Variants in IL2RA observed in about 807,000 individuals in gnomAD.
IL2RA encodes interleukin 2 receptor subunit alpha, also known as interleukin-2 receptor subunit alpha.
A neutral mutation model predicts 37.8 loss-of-function variants in IL2RA; 24 were observed. The observed-to-expected ratio is 0.63, with a 90% CI of 0.46 to 0.89. The LOEUF (loss-of-function observed/expected upper bound fraction) is 0.89. Among genes scored for constraint, IL2RA ranks in the 40% least tolerant of loss-of-function variants. The probability of loss-of-function intolerance (pLI) is 0.00; values close to 1 mark genes in which losing one functional copy is unlikely to be tolerated. For synonymous variants in IL2RA, 125 were observed against 114.6 expected (o/e 1.09, Z -0.58); for missense variants, 319 against 348.6 (o/e 0.92, Z 0.68).
intron 1 of IL2RA, among the ~76,000 whole-genome samples, chr10:6,052,673 T>G (rs994582473): frequency 6.6e-6 from 1 of 152,056 alleles, no homozygotes; most frequent in African/African-American, 2.4e-5. Flanking sequence ...CACACACCTA[T>G]CCTAGCCTTT....
At chr10:6,013,496 C>T (rs12722708) in intron 7 of IL2RA, among the ~76,000 whole-genome samples, 3 of 152,260 alleles carry the variant, frequency 2.0e-5, no homozygotes, top group Admixed American at 2.0e-4. Context: ...CTACTTTGCA[C>T]AGAGTTCCCA....
In IL2RA at chr10:6,025,717, T is replaced by C; in HGVS notation, c.256+117A>G. The C allele has an allele frequency of 2.1e-6, 2 of 962,960 alleles. No homozygotes were observed. The highest frequency in any genetic ancestry group is 4.9e-5 in the East Asian group (2 of 40,426). The allele number at this position is 962,960 out of a possible 1,614,324, so 59.7% of individuals were successfully genotyped here. ...TTTCAGGAACCACTAAAATTAGTTA[T>C]CCTGTAGACTGGACTGGCCCATTTG... On this transcript the variant is annotated intron_variant, in intron 2 of 7. Transcript: ENST00000379959. The surrounding 1 kb of genome is among the most constrained non-coding windows in gnomAD (Gnocchi z 4.4).
Position 6,033,921 on chromosome 10 carries a change from A to G in IL2RA, c.65-7896T>C, listed in dbSNP as rs1183654604. 6.6e-6 allele frequency among the ~76,000 whole-genome samples: 1 copy of G among 152,250 alleles called. No individual in the cohort carries two copies. The highest frequency in any genetic ancestry group is 2.4e-5 in the African/African-American group (1 of 41,466). On this transcript the variant is annotated intron_variant, in intron 1 of 7. Transcript: ENST00000379959. This position sits in a 1 kb window ranked among gnomAD's most constrained non-coding sequence, Gnocchi z 4.3. ...TTTTAGCTCAACAAAATGAGCGAGAAGCATATTTAGCTACTCTTTTGTAAT... is the reference window on the plus strand; with the variant it reads ...TTTTAGCTCAACAAAATGAGCGAGAGGCATATTTAGCTACTCTTTTGTAAT...
intron 1 of IL2RA, among the ~76,000 whole-genome samples, chr10:6,045,407 A>G (rs1839836541): frequency 6.6e-6 from 1 of 152,138 alleles, no homozygotes; most frequent in African/African-American, 2.4e-5. Flanking sequence ...TACCCCTACA[A>G]GCAGCTGCCG....
At chr10:6,030,517 G>A (rs41294703) in intron 1 of IL2RA, among the ~76,000 whole-genome samples, 2,202 of 152,186 alleles carry the variant, frequency 0.014, 22 homozygotes, top group Non-Finnish European at 0.021. Context: ...AAAAAAACCC[G>A]TCAACCTTGA....
intron 1 of IL2RA, among the ~76,000 whole-genome samples, chr10:6,051,374 C>T (rs1044740038): frequency 1.1e-4 from 16 of 151,944 alleles, no homozygotes; most frequent in African/African-American, 1.2e-4. Context: ...GGACTTCAAA[C>T]GAAACTTTTA....
At chr10:6,052,709 A>C (rs1358066265) in intron 1 of IL2RA, among the ~76,000 whole-genome samples, 1 of 152,144 alleles carries the variant, frequency 6.6e-6, no homozygotes, top group Non-Finnish European at 1.5e-5. Context: ...AGAGTACAGA[A>C]AGCAGCGGCT....
chr10:6,049,884 A>T (rs747551652), intron 1 of IL2RA, among the ~76,000 whole-genome samples: 13 of 152,220 alleles, frequency 8.5e-5, no homozygotes, highest in Non-Finnish European at 1.9e-4. Context: ...CGGTAGGCAG[A>T]CAAGATGGGG....
chr10:6,045,056 C>G (rs1839828091), intron 1 of IL2RA, among the ~76,000 whole-genome samples: 2 of 152,172 alleles, frequency 1.3e-5, no homozygotes, highest in African/African-American at 4.8e-5. Context: ...GCCTGATTCC[C>G]TCGGGAAAGG....
rs1564545101 is a variant in IL2RA, at chr10:6,029,132, ATTTATTTATTT to A, written c.65-3118_65-3108del. ...CTGCAGATTTGCTGCCATTTATTTTATTTATTTATTTATTTATTTATTTATTTATTTATTTA... is the reference window on the plus strand; with the variant it reads ...CTGCAGATTTGCTGCCATTTATTTTAATTTATTTATTTATTTATTTATTTA... On this transcript the variant is annotated intron_variant, in intron 1 of 7. Transcript: ENST00000379959. The surrounding 1 kb of genome is among the most constrained non-coding windows in gnomAD (Gnocchi z 4.6). Among the ~76,000 whole-genome samples the A allele has an allele frequency of 5.7e-4, 1 of 1,746 alleles. No homozygotes were observed. The highest frequency in any genetic ancestry group is 1.0e-3 in the Non-Finnish European group (1 of 1,002). 1.1% of individuals were successfully genotyped at this position (1,746 alleles called of 152,430 possible). A position where few individuals can be genotyped will look rare whatever the true frequency, so the allele number is the denominator to read the frequency against.
At position 6,031,502 on chromosome 10, in the gene IL2RA, A is replaced by G. The variant is rs568790986; in HGVS notation, c.65-5477T>C. 1.7e-4 allele frequency among the ~76,000 whole-genome samples: 14 copies of G among 81,446 alleles called. 1 individual carries two copies. In the East Asian group the frequency reaches 3.4e-3, roughly 20 times the overall value. 53.4% of individuals were successfully genotyped at this position (81,446 alleles called of 152,430 possible). ...TATATATATATATATATGTATATAT[A>G]TATATATATGTATATATATGTATAT... On this transcript the variant is annotated intron_variant, in intron 1 of 7. Coordinates refer to ENST00000379959, the MANE Select transcript of IL2RA (RefSeq NM_000417.3).
chr10:6,031,485 T>TGTATAC (rs1839585463), intron 1 of IL2RA, among the ~76,000 whole-genome samples: 2 of 27,922 alleles, frequency 7.2e-5, no homozygotes, highest in East Asian at 2.2e-3. Context: ...TATATATATA[T>TGTATAC]ATATATATGT....
At chr10:6,030,881 T>G (rs1362790742) in intron 1 of IL2RA, among the ~76,000 whole-genome samples, 1 of 152,162 alleles carries the variant, frequency 6.6e-6, no homozygotes, top group Admixed American at 6.5e-5. Context: ...TTTTAGGTTT[T>G]TATATCATAT....
chr10:6,031,475 T>TAA (rs1839581444), intron 1 of IL2RA, among the ~76,000 whole-genome samples: 1 of 15,872 alleles, frequency 6.3e-5, no homozygotes, highest in African/African-American at 2.6e-4. Flanking sequence ...TATATATATA[T>TAA]ATATATATAT....
At position 6,057,571 on chromosome 10, in the gene IL2RA, A is replaced by G. The variant is rs2132905547; in HGVS notation, c.64+4517T>C. Among the ~76,000 whole-genome samples the G allele has an allele frequency of 6.6e-6, 1 of 152,034 alleles. No homozygotes were observed. The highest frequency in any genetic ancestry group is 2.4e-5 in the African/African-American group (1 of 41,466). ...TTTTACAGAGAGAAATCTGTCAAAA[A>G]CTCACGCCCTCCCCGTGTCCTCTCC... On this transcript the variant is annotated intron_variant, in intron 1 of 7. Transcript: ENST00000379959. The surrounding 1 kb of genome is among the most constrained non-coding windows in gnomAD (Gnocchi z 4.8).
At chr10:6,016,764 G>C (rs568170880) in intron 7 of IL2RA, among the ~76,000 whole-genome samples, 79 of 152,042 alleles carry the variant, frequency 5.2e-4, no homozygotes, top group Admixed American at 2.1e-3. Context: ...AGTAGAAACA[G>C]GGTTTCAGCA....
chr10:6,014,194 C>G lies in IL2RA; in HGVS notation c.795-1298G>C, dbSNP rs1221524637. Among the ~76,000 whole-genome samples, 1 of 152,198 alleles carries G rather than the reference C, an allele frequency of 6.6e-6. No homozygotes were observed. The highest frequency in any genetic ancestry group is 1.5e-5 in the Non-Finnish European group (1 of 68,036). On this transcript the variant is annotated intron_variant, in intron 7 of 7. Coordinates refer to ENST00000379959, the MANE Select transcript of IL2RA (RefSeq NM_000417.3). The surrounding 1 kb of genome is among the most constrained non-coding windows in gnomAD (Gnocchi z 4.4). ...AGTCCCGAAAATTTAACCGCTGGCT[C>G]TCACAAGCCACTGTGAGCCTTCTGT...
intron 1 of IL2RA, among the ~76,000 whole-genome samples, chr10:6,053,903 A>G (rs1840003578): frequency 6.6e-6 from 1 of 152,224 alleles, no homozygotes; most frequent in African/African-American, 2.4e-5. Flanking sequence ...CACTGCATAC[A>G]GCGTGGGAGG....
chr10:6,034,437 T>C (rs898505556), intron 1 of IL2RA, among the ~76,000 whole-genome samples: 7 of 147,356 alleles, frequency 4.8e-5, no homozygotes, highest in Non-Finnish European at 9.1e-5. Flanking sequence ...AGGAATAAAT[T>C]TGGGATTTTT....
Sources: gnomAD v4.1 joint callset for allele counts (sites outside exome capture counted in the v4.1 genomes callset) on GRCh38, gnomAD v4.1.1 for gene constraint, Gnocchi (gnomAD v3.1) non-coding constraint, MANE v1.5 for transcripts, NCBI Gene and HGNC (gene_info 2026-07-23, HGNC 2026-07-21) for gene names.